Variants in PSME3IP1 observed in about 807,000 individuals in gnomAD.
PSME3IP1 encodes the protein PSME3-interacting protein.
In PSME3IP1, 13 loss-of-function variants were observed where a neutral mutation model predicts 34.1. The observed-to-expected ratio is 0.38, with a 90% CI of 0.25 to 0.61. PSME3IP1 has a LOEUF of 0.61. Among genes scored for constraint, PSME3IP1 ranks in the 20% least tolerant of loss-of-function variants. The pLI, the probability that PSME3IP1 is intolerant of heterozygous loss-of-function variation, is 0.60. For synonymous variants in PSME3IP1, 93 were observed against 114.3 expected (o/e 0.81, Z 1.19); for missense variants, 237 against 301.4 (o/e 0.79, Z 1.58).
intron 1 of PSME3IP1, 174 bp downstream of exon 1, chr16:57,185,647 C>G: frequency 1.0e-6 from 1 of 985,554 alleles, no homozygotes; most frequent in Non-Finnish European, 1.2e-6. Flanking sequence ...GCACCCTCAG[C>G]TCCCCTCAGG....
intron 1 of PSME3IP1, among the ~76,000 whole-genome samples, chr16:57,182,213 A>T (rs1376708451): frequency 3.9e-5 from 6 of 152,178 alleles, no homozygotes; most frequent in Non-Finnish European, 5.9e-5. Context: ...ACAGGGATGA[A>T]GGCCAAATAT....
chr16:57,178,837 C>T, intron 1 of PSME3IP1: 1 of 984,670 alleles, frequency 1.0e-6, no homozygotes, highest in Non-Finnish European at 1.2e-6. Flanking sequence ...TTTGAAGAGT[C>T]CAATGGCTGT....
intron 6 of PSME3IP1, among the ~76,000 whole-genome samples, chr16:57,156,928 T>G (rs2070603230): frequency 6.6e-6 from 1 of 152,204 alleles, no homozygotes; most frequent in Non-Finnish European, 1.5e-5. Flanking sequence ...ATTGCAGCAC[T>G]GTTTATAGTA....
rs368929257 is a variant in PSME3IP1, at chr16:57,154,242, G to A, written c.*48C>T. On this transcript the variant is annotated 3_prime_UTR_variant, in exon 7 of 7. Coordinates refer to ENST00000309137, the MANE Select transcript of PSME3IP1 (RefSeq NM_024946.4). This position sits in a 1 kb window ranked among gnomAD's most constrained non-coding sequence, Gnocchi z 4.0. ...CATAATGCCTATAGGCAGCATGAAC[G>A]GTCCGATCTACCCTTGGGGAGGAGC... The A allele has an allele frequency of 2.7e-4, 411 of 1,550,452 alleles. 1 individual carries two copies. The African/African-American group carries it at 4.8e-3, about 18-fold the overall frequency.
At chr16:57,169,024 C>T (rs1444498117) in intron 4 of PSME3IP1, among the ~76,000 whole-genome samples, 1 of 151,652 alleles carries the variant, frequency 6.6e-6, no homozygotes, top group African/African-American at 2.4e-5. Context: ...ATAGACAAAA[C>T]CCAACATTTA....
At chr16:57,161,622 C>A (rs2071243998) in intron 6 of PSME3IP1, among the ~76,000 whole-genome samples, 1 of 151,380 alleles carries the variant, frequency 6.6e-6, no homozygotes, top group Non-Finnish European at 1.5e-5. Flanking sequence ...ATGCCATTCT[C>A]CTGCCTCAGC....
At chr16:57,164,140 T>A in intron 5 of PSME3IP1, 75 bp from the exon 6 acceptor site, 1 of 1,274,336 alleles carries the variant, frequency 7.8e-7, no homozygotes, top group Admixed American at 1.7e-5. Context: ...GGAGCTCCAA[T>A]AACTATTTAT....
rs531526997 is a variant in PSME3IP1 at position 57,155,553 on chromosome 16, A to G, written c.548-1046T>C. Among the ~76,000 whole-genome samples the G allele has an allele frequency of 3.3e-5, 5 of 152,162 alleles. No individual in the cohort carries two copies. In the East Asian group the frequency reaches 7.7e-4, roughly 24 times the overall value. ...GAGGCCAAGTTGGGTGGATCACTTGAGGTCAGGAGGTCAAGACCACCCAAG... is the reference window on the plus strand; with the variant it reads ...GAGGCCAAGTTGGGTGGATCACTTGGGGTCAGGAGGTCAAGACCACCCAAG... On this transcript the variant is annotated intron_variant, in intron 6 of 6. Coordinates refer to ENST00000309137, the MANE Select transcript of PSME3IP1 (RefSeq NM_024946.4).
rs1311851615 is a variant in PSME3IP1 at position 57,166,404 on chromosome 16, C to T, written c.482+689G>A. On this transcript the variant is annotated intron_variant, in intron 5 of 6. Transcript: ENST00000309137. Reference sequence around the variant, plus strand: ...ACATCAATCCAAACCTAGCCACAGCCAGGTCTGTAACCCTGCCAGGGCTGC... The same window carrying T: ...ACATCAATCCAAACCTAGCCACAGCTAGGTCTGTAACCCTGCCAGGGCTGC... Among the ~76,000 whole-genome samples, 3 of 152,214 alleles carry T rather than the reference C, an allele frequency of 2.0e-5. No homozygotes were observed. In the East Asian group the frequency reaches 5.8e-4, roughly 29 times the overall value.
chr16:57,160,784 T>G (rs2071136946), intron 6 of PSME3IP1, among the ~76,000 whole-genome samples: 1 of 152,222 alleles, frequency 6.6e-6, no homozygotes, highest in South Asian at 2.1e-4. Flanking sequence ...CAGAGTAGGT[T>G]AGATTAAAAT....
intron 4 of PSME3IP1, among the ~76,000 whole-genome samples, chr16:57,170,847 C>T (rs1320345698): frequency 1.3e-5 from 2 of 152,062 alleles, no homozygotes; most frequent in East Asian, 1.9e-4. Flanking sequence ...CTGGAGTGGG[C>T]GGATCACCTG....
chr16:57,159,540 C>A (rs572716355), intron 6 of PSME3IP1, among the ~76,000 whole-genome samples: 8 of 152,260 alleles, frequency 5.3e-5, no homozygotes, highest in African/African-American at 1.9e-4. Flanking sequence ...GAATTTCTAT[C>A]AGAGTCATAG....
chr16:57,178,894 G>C (rs1302452484), intron 1 of PSME3IP1: 1 of 663,788 alleles, frequency 1.5e-6, no homozygotes, highest in Non-Finnish European at 1.9e-6. Context: ...TTACTGACCT[G>C]CTGGAAGTAG....
In PSME3IP1 at chr16:57,157,330, A is replaced by AAG. The variant is rs1555484039; in HGVS notation, c.548-2824_548-2823insCT. ...CCTATCTCCAAAAAAAAAAAAAAAA[A>AAG]AAGAAGAAGAAGAAGAAGAAGAAAG... On this transcript the variant is annotated intron_variant, in intron 6 of 6. Coordinates refer to ENST00000309137, the MANE Select transcript of PSME3IP1 (RefSeq NM_024946.4). Among the ~76,000 whole-genome samples the AAG allele has an allele frequency of 1.5e-4, 23 of 149,086 alleles. 1 individual carries two copies. In the East Asian group the frequency reaches 2.9e-3, roughly 19 times the overall value.
chr16:57,173,857 T>G lies in PSME3IP1; in HGVS notation c.-3A>C, dbSNP rs371048595. ...TTACCATCATCCCCTCCATCCATAA[T>G]GAAACAACCAATCTACAAAACAAAA... On this transcript the variant is annotated 5_prime_UTR_variant, in exon 2 of 7. Coordinates refer to ENST00000309137, the MANE Select transcript of PSME3IP1 (RefSeq NM_024946.4). 1 of 1,611,218 alleles carries G rather than the reference T, an allele frequency of 6.2e-7. No individual in the cohort carries two copies. The highest frequency in any genetic ancestry group is 8.5e-7 in the Non-Finnish European group (1 of 1,179,080).
chr16:57,160,100 C>T (rs1360070819), intron 6 of PSME3IP1, among the ~76,000 whole-genome samples: 3 of 152,068 alleles, frequency 2.0e-5, no homozygotes, highest in African/African-American at 4.8e-5. Flanking sequence ...ACCATCCTGG[C>T]TAACAAGGTG....
intron 6 of PSME3IP1, among the ~76,000 whole-genome samples, chr16:57,157,313 CA>C (rs751911757): frequency 0.096 from 7,385 of 76,808 alleles, 174 homozygotes; most frequent in Middle Eastern, 0.19. Context: ...AACCTATCTC[CA>C]AAAAAAAAAA....
chr16:57,164,784 C>G (rs1179086429), intron 5 of PSME3IP1, among the ~76,000 whole-genome samples: 1 of 152,116 alleles, frequency 6.6e-6, no homozygotes, highest in Non-Finnish European at 1.5e-5. Flanking sequence ...GTAATCCCAG[C>G]ACGTTGGGAG....
chr16:57,181,965 A>C (rs1190726204), intron 1 of PSME3IP1, among the ~76,000 whole-genome samples: 1 of 152,182 alleles, frequency 6.6e-6, no homozygotes, highest in Non-Finnish European at 1.5e-5. Flanking sequence ...TTACTTAGAC[A>C]TGACTAATTA....
Sources: gnomAD v4.1 joint callset for allele counts (sites outside exome capture counted in the v4.1 genomes callset) on GRCh38, gnomAD v4.1.1 for gene constraint, Gnocchi (gnomAD v3.1) non-coding constraint, MANE v1.5 for transcripts, NCBI Gene and HGNC (gene_info 2026-07-23, HGNC 2026-07-21) for gene names.